The following CCDC141 variants were observed in gnomAD, a reference collection of about 807,000 sequenced individuals.
CCDC141 encodes coiled-coil domain containing 141.
Under a neutral mutation model 181.0 loss-of-function variants are expected in CCDC141, and 168 were observed. The observed-to-expected ratio is 0.93, with a 90% CI of 0.82 to 1.05. CCDC141 has a LOEUF of 1.05. CCDC141 is among the 50% of genes least tolerant of loss of function. The probability of loss-of-function intolerance (pLI) is 0.00; values close to 1 mark genes in which losing one functional copy is unlikely to be tolerated. For synonymous variants in CCDC141, 666 were observed against 642.3 expected (o/e 1.04, Z -0.56); for missense variants, 1,902 against 1,788.5 (o/e 1.06, Z -1.14).
chr2:178,936,623 T>TCTTCTTCTA (rs1689299956), intron 6 of CCDC141, among the ~76,000 whole-genome samples: 1 of 152,188 alleles, frequency 6.6e-6, no homozygotes, highest in African/African-American at 2.4e-5. Context: ...TTTTTCTAGG[T>TCTTCTTCTA]CTGTGAAGAA....
At chr2:178,959,476 A>T (rs1690302647) in intron 5 of CCDC141, among the ~76,000 whole-genome samples, 1 of 152,142 alleles carries the variant, frequency 6.6e-6, no homozygotes, top group Admixed American at 6.5e-5. Flanking sequence ...GCTCAGAAGG[A>T]CAAAGAACTT....
intron 13 of CCDC141, 142 bp from the exon 14 acceptor site, chr2:178,871,694 T>TA: frequency 1.0e-6 from 1 of 957,480 alleles, no homozygotes; most frequent in Non-Finnish European, 1.5e-6. Flanking sequence ...CTCAGGGTTC[T>TA]AAACCACCAA....
At position 178,855,912 on chromosome 2, in the gene CCDC141, AGCAGCAAAACT is replaced by A. The variant is rs578101072; in HGVS notation, c.2865+334_2865+344del. Among the ~76,000 whole-genome samples, 225 of 152,322 alleles carry A rather than the reference AGCAGCAAAACT, an allele frequency of 1.5e-3. 4 individuals are homozygous for A. Among genetic ancestry groups the A allele is most frequent in the African/African-American group, 4.9e-3 (204 of 41,574 alleles). On this transcript the variant is annotated intron_variant, in intron 18 of 23. Transcript: ENST00000443758. ...CAAGGTAAGAATAAGAGGCTATAGG[AGCAGCAAAACT>A]GATGACATAGATGGATGCAAGAAAA...
intron 2 of CCDC141, among the ~76,000 whole-genome samples, chr2:179,018,357 GA>G (rs1027072155): frequency 3.3e-5 from 5 of 152,110 alleles, no homozygotes; most frequent in African/African-American, 1.2e-4. Context: ...CTAGTTTATA[GA>G]AACGCACTTA....
At chr2:178,980,579 C>T (rs912632634) in intron 2 of CCDC141, among the ~76,000 whole-genome samples, 2 of 152,122 alleles carry the variant, frequency 1.3e-5, no homozygotes, top group Non-Finnish European at 2.9e-5. Context: ...GGTAGAAAAG[C>T]TTTGAGATAT....
At chr2:178,878,288 TTTA>T (rs1175396553) in intron 11 of CCDC141, 145 bp from the exon 12 acceptor site, 4,088 of 227,106 alleles carry the variant, frequency 0.018, 166 homozygotes, top group African/African-American at 0.11. Context: ...TATTTATTTA[TTTA>T]TTTATTTATT....
intron 2 of CCDC141, among the ~76,000 whole-genome samples, chr2:178,990,299 G>A (rs1691987564): frequency 6.7e-6 from 1 of 150,232 alleles, no homozygotes; most frequent in African/African-American, 2.4e-5. Context: ...GTCAAACACA[G>A]AATTACCATA....
intron 6 of CCDC141, among the ~76,000 whole-genome samples, chr2:178,942,552 T>A (rs1045067280): frequency 2.6e-5 from 4 of 152,154 alleles, no homozygotes; most frequent in Admixed American, 6.6e-5. Context: ...GCAAGAATAA[T>A]CTGTATAATT....
At chr2:178,987,363 C>T (rs1366122046) in intron 2 of CCDC141, among the ~76,000 whole-genome samples, 2 of 151,878 alleles carry the variant, frequency 1.3e-5, no homozygotes, top group African/African-American at 2.4e-5. Context: ...ACCATAAAAA[C>T]CCTAGAAGAA....
At chr2:178,981,332 G>A (rs1691380730) in intron 2 of CCDC141, among the ~76,000 whole-genome samples, 1 of 151,734 alleles carries the variant, frequency 6.6e-6, no homozygotes, top group Admixed American at 6.6e-5. Context: ...CATCAAGATA[G>A]GCCATATCCT....
chr2:178,937,216 T>C (rs541936773), intron 6 of CCDC141, among the ~76,000 whole-genome samples: 2 of 152,324 alleles, frequency 1.3e-5, no homozygotes, highest in African/African-American at 2.4e-5. Flanking sequence ...AGTATAATGT[T>C]GGCTGTGGGT....
At chr2:178,902,592 T>C (rs1406039507) in intron 8 of CCDC141, among the ~76,000 whole-genome samples, 2 of 152,142 alleles carry the variant, frequency 1.3e-5, no homozygotes, top group Non-Finnish European at 2.9e-5. Context: ...TTACACCTTA[T>C]GCAAAAATTA....
At chr2:178,903,683 C>T (rs563628866) in intron 8 of CCDC141, among the ~76,000 whole-genome samples, 1 of 151,174 alleles carries the variant, frequency 6.6e-6, no homozygotes, top group South Asian at 2.1e-4. Flanking sequence ...GTGCAGCACA[C>T]CAGAATGCCA....
At chr2:178,993,180 C>T (rs189222064) in intron 2 of CCDC141, among the ~76,000 whole-genome samples, 19 of 152,222 alleles carry the variant, frequency 1.2e-4, no homozygotes, top group African/African-American at 4.6e-4. Context: ...ATTTGTAAGC[C>T]ATTGCTATTT....
chr2:179,020,470 C>G (rs2042665526), intron 2 of CCDC141, among the ~76,000 whole-genome samples: 1 of 152,166 alleles, frequency 6.6e-6, no homozygotes, highest in Non-Finnish European at 1.5e-5. Flanking sequence ...GATAGCACTT[C>G]TCATGGGATC....
rs187585400 is a variant in CCDC141 at position 178,844,021 on chromosome 2, A to G, written c.3474+1605T>C. ...TTAGAATAAAAGTTATTTTTCCATG[A>G]AGGTAAATCTTGCTTTTTTTTAATT... On this transcript the variant is annotated intron_variant, in intron 22 of 23. Coordinates refer to ENST00000443758, the MANE Select transcript of CCDC141 (RefSeq NM_173648.4). Among the ~76,000 whole-genome samples, 197 of 152,298 alleles carry G rather than the reference A, an allele frequency of 1.3e-3. 4 individuals are homozygous for G. Among genetic ancestry groups the G allele is most frequent in the Admixed American group, 0.011 (164 of 15,284 alleles).
At chr2:178,841,568 TAA>T (rs1561625600) in intron 22 of CCDC141, among the ~76,000 whole-genome samples, 1 of 152,216 alleles carries the variant, frequency 6.6e-6, no homozygotes, top group African/African-American at 2.4e-5. Flanking sequence ...ATATAAAAAT[TAA>T]AAAAATTAAA....
chr2:178,905,256 C>T (rs1687909712), intron 8 of CCDC141, 73 bp downstream of exon 8: 1 of 1,291,230 alleles, frequency 7.7e-7, no homozygotes, highest in African/African-American at 1.5e-5. Context: ...GACAATCATG[C>T]ATCTTATTTT....
intron 17 of CCDC141, among the ~76,000 whole-genome samples, chr2:178,858,484 T>A (rs982751963): frequency 3.9e-5 from 6 of 152,126 alleles, no homozygotes; most frequent in Non-Finnish European, 7.4e-5. Context: ...AAAAAACATC[T>A]CAATAATGAG....
Sources: gnomAD v4.1 joint callset for allele counts (sites outside exome capture counted in the v4.1 genomes callset) on GRCh38, gnomAD v4.1.1 for gene constraint, MANE v1.5 for transcripts, NCBI Gene and HGNC (gene_info 2026-07-23, HGNC 2026-07-21) for gene names.